The following KHDRBS3 variants were observed in gnomAD, a reference collection of about 807,000 sequenced individuals.
KHDRBS3 encodes the protein KH RNA binding domain containing, signal transduction associated 3.
KHDRBS3 carries 23 observed loss-of-function variants against 45.6 expected under a neutral mutation model. The observed-to-expected ratio is 0.50, with a 90% CI of 0.36 to 0.72. KHDRBS3 has a LOEUF of 0.72. Ranked by LOEUF, KHDRBS3 falls within the 30% of genes least tolerant of loss-of-function variation. The pLI is 0.00. For synonymous variants in KHDRBS3, 162 were observed against 156.5 expected, an observed-to-expected ratio of 1.04 and a Z score of -0.26; for missense variants, 352 against 424.8, an observed-to-expected ratio of 0.83 and a Z score of 1.51.
chr8:135,579,057 G>A (rs1828079477), intron 5 of KHDRBS3, among the ~76,000 whole-genome samples: 1 of 152,198 alleles, frequency 6.6e-6, no homozygotes, highest in African/African-American at 2.4e-5. Flanking sequence ...TAGCTTATTA[G>A]CTATAGGAGT....
At chr8:135,479,580 A>T (rs560564235) in intron 1 of KHDRBS3, among the ~76,000 whole-genome samples, 1 of 152,306 alleles carries the variant, frequency 6.6e-6, no homozygotes, top group South Asian at 2.1e-4. Flanking sequence ...CCTGTTCCTC[A>T]TGAATGGCAC....
At chr8:135,512,463 A>T (rs1034764789) in intron 1 of KHDRBS3, among the ~76,000 whole-genome samples, 4 of 140,620 alleles carry the variant, frequency 2.8e-5, no homozygotes, top group Non-Finnish European at 6.0e-5. Context: ...GATCTTATTA[A>T]TTTCCACACT....
intron 1 of KHDRBS3, among the ~76,000 whole-genome samples, chr8:135,481,204 T>A (rs1822548134): frequency 7.1e-6 from 1 of 139,998 alleles, no homozygotes; most frequent in South Asian, 2.2e-4. Flanking sequence ...GGATTTCTTG[T>A]CTGATTCATG....
intron 1 of KHDRBS3, among the ~76,000 whole-genome samples, chr8:135,505,388 G>C (rs773242557): frequency 1.3e-5 from 2 of 152,038 alleles, no homozygotes; most frequent in Non-Finnish European, 2.9e-5. Context: ...TGGTCCCTTG[G>C]GACCCTTGAG....
chr8:135,579,382 G>A (rs1246448658), intron 5 of KHDRBS3, among the ~76,000 whole-genome samples: 1 of 152,144 alleles, frequency 6.6e-6, no homozygotes, highest in East Asian at 1.9e-4. Flanking sequence ...ACCCAGGCTG[G>A]AGTGCATCTA....
chr8:135,649,052 T>C (rs1227019565), downstream of KHDRBS3, among the ~76,000 whole-genome samples: 1 of 152,212 alleles, frequency 6.6e-6, no homozygotes. Context: ...CATGGTTTTC[T>C]GTGCTTCTGA....
chr8:135,528,833 T>G (rs1433559718), intron 2 of KHDRBS3, among the ~76,000 whole-genome samples: 1 of 152,180 alleles, frequency 6.6e-6, no homozygotes, highest in African/African-American at 2.4e-5. Flanking sequence ...ACCTTAGCCC[T>G]TTTAAAAGGC....
chr8:135,597,018 A>G (rs527660377), intron 6 of KHDRBS3, among the ~76,000 whole-genome samples: 1 of 152,300 alleles, frequency 6.6e-6, no homozygotes, highest in East Asian at 1.9e-4. Context: ...TAAAATTATA[A>G]TATTAATAAA....
At chr8:135,606,434 G>A (rs1261847384) in intron 6 of KHDRBS3, among the ~76,000 whole-genome samples, 2 of 152,206 alleles carry the variant, frequency 1.3e-5, no homozygotes, top group East Asian at 3.9e-4. Flanking sequence ...ATACCCTGAG[G>A]AAAAAGGCAT....
At chr8:135,643,635 G>C (rs573189794) in intron 7 of KHDRBS3, among the ~76,000 whole-genome samples, 1 of 152,188 alleles carries the variant, frequency 6.6e-6, no homozygotes, top group Non-Finnish European at 1.5e-5. Flanking sequence ...ATGCTGTGCC[G>C]TAGTCATTAA....
At chr8:135,491,599 A>T (rs1823153545) in intron 1 of KHDRBS3, among the ~76,000 whole-genome samples, 1 of 152,098 alleles carries the variant, frequency 6.6e-6, no homozygotes, top group African/African-American at 2.4e-5. Flanking sequence ...AGAGAGCCCC[A>T]GGAGAGAAGA....
intron 7 of KHDRBS3, among the ~76,000 whole-genome samples, chr8:135,626,597 A>T (rs539738949): frequency 6.6e-6 from 1 of 152,160 alleles, no homozygotes; most frequent in African/African-American, 2.4e-5. Flanking sequence ...AGGTCAGGAG[A>T]TCGAGACCAT....
intron 2 of KHDRBS3, among the ~76,000 whole-genome samples, chr8:135,532,340 T>G (rs780546465): frequency 6.6e-6 from 1 of 152,172 alleles, no homozygotes; most frequent in African/African-American, 2.4e-5. Context: ...AAAATAAACC[T>G]TGTTTGTTCT....
chr8:135,593,941 G>C (rs1586773746), intron 6 of KHDRBS3, among the ~76,000 whole-genome samples: 1 of 152,144 alleles, frequency 6.6e-6, no homozygotes, highest in African/African-American at 2.4e-5. Context: ...AACAGGAAGG[G>C]AATGAGTAGC....
Position 135,550,933 on chromosome 8 carries a change from G to C in KHDRBS3, c.471+2033G>C, listed in dbSNP as rs530277473. On this transcript the variant is annotated intron_variant, in intron 4 of 8. Coordinates refer to ENST00000355849, the MANE Select transcript of KHDRBS3 (RefSeq NM_006558.3). ...GTGTTTTATAGTGTTCAGGGTGTCAGCCTTTTCCTTTCCTTTTGCAAAATT... is the reference window on the plus strand; with the variant it reads ...GTGTTTTATAGTGTTCAGGGTGTCACCCTTTTCCTTTCCTTTTGCAAAATT... Among the ~76,000 whole-genome samples the C allele has an allele frequency of 3.9e-5, 6 of 152,170 alleles. 1 individual carries two copies. In the South Asian group the frequency reaches 1.2e-3, roughly 32 times the overall value.
chr8:135,535,412 A>G (rs1395579427), intron 2 of KHDRBS3, among the ~76,000 whole-genome samples: 1 of 141,798 alleles, frequency 7.1e-6, no homozygotes, highest in Non-Finnish European at 1.5e-5. Flanking sequence ...AAACTATTAT[A>G]TATAGTTAAA....
intron 7 of KHDRBS3, among the ~76,000 whole-genome samples, chr8:135,622,138 T>A (rs1382060509): frequency 6.6e-6 from 1 of 152,214 alleles, no homozygotes; most frequent in African/African-American, 2.4e-5. Flanking sequence ...TTGAAGTGAT[T>A]ATTTGATCAA....
At position 135,557,472 on chromosome 8, in the gene KHDRBS3, G is replaced by A. The variant is rs1826943896; in HGVS notation, c.496G>A (p.Ala166Thr). 3 of 1,611,300 alleles carry A rather than the reference G, an allele frequency of 1.9e-6. No homozygotes were observed. Among genetic ancestry groups the A allele is most frequent in the African/African-American group, 1.3e-5 (1 of 74,840 alleles). Residue 166 changes from alanine to threonine, a missense_variant, in exon 5 of 9, where the codon GCA becomes ACA. Coordinates refer to ENST00000355849, the MANE Select transcript of KHDRBS3 (RefSeq NM_006558.3). ...GGATTATAATGATGAGATCAGGCAAGCACAGCTCCAGGAGTTAACATATTT... is the reference window on the plus strand; with the variant it reads ...GGATTATAATGATGAGATCAGGCAAACACAGCTCCAGGAGTTAACATATTT... ...IPDYNDEIRQ[A>T]QLQELTYLNG...
At chr8:135,633,198 A>G (rs539702352) in intron 7 of KHDRBS3, among the ~76,000 whole-genome samples, 1 of 152,218 alleles carries the variant, frequency 6.6e-6, no homozygotes, top group Non-Finnish European at 1.5e-5. Context: ...GAATCCATGC[A>G]TGAATGAATG....
Sources: gnomAD v4.1 joint callset for allele counts (sites outside exome capture counted in the v4.1 genomes callset) on GRCh38, gnomAD v4.1.1 for gene constraint, MANE v1.5 for transcripts, NCBI Gene and HGNC (gene_info 2026-07-23, HGNC 2026-07-21) for gene names.